The following FRMPD4 variants were observed in gnomAD, a reference collection of about 807,000 sequenced individuals.
FRMPD4 encodes FERM and PDZ domain containing 4.
Under a neutral mutation model 94.1 loss-of-function variants are expected in FRMPD4, and 22 were observed. The observed-to-expected ratio is 0.23, with a 90% CI of 0.17 to 0.33. The LOEUF is 0.33. Ranked by LOEUF, FRMPD4 falls within the 10% of genes least tolerant of loss-of-function variation. The pLI, the probability that FRMPD4 is intolerant of heterozygous loss-of-function variation, is 1.00. For missense variants in FRMPD4, 1,111 were observed against 1,339.9 expected (o/e 0.83, Z 2.67); for synonymous variants, 631 against 548.6 (o/e 1.15, Z -2.10).
At chrX:11,912,168 C>T (rs149700218) in intron 3 of FRMPD4, among the ~76,000 whole-genome samples, 1,188 of 112,189 alleles carry the variant, frequency 0.011, 7 homozygotes, top group Non-Finnish European at 0.017. Flanking sequence ...CTGTAAGCCA[C>T]TCCCAGCCTC....
chrX:12,352,778 A>G (rs2055834888), intron 1 of FRMPD4, among the ~76,000 whole-genome samples: 1 of 112,299 alleles, frequency 8.9e-6, no homozygotes, highest in African/African-American at 3.2e-5. Context: ...AAAAATATGA[A>G]TGCTGGAAAA....
intron 3 of FRMPD4, among the ~76,000 whole-genome samples, chrX:12,126,479 G>T (rs1383059348): frequency 9.0e-6 from 1 of 111,618 alleles, no homozygotes; most frequent in African/African-American, 3.3e-5. Flanking sequence ...ATACAGCTAA[G>T]GATGGATCTG....
At position 12,718,196 on chromosome X, in the gene FRMPD4, A is replaced by T. The variant is rs767460214; in HGVS notation, c.3370A>T (p.Arg1124Trp). 1 of 1,211,078 alleles carries T rather than the reference A, an allele frequency of 8.3e-7. No homozygotes were observed. Among genetic ancestry groups the T allele is most frequent in the Admixed American group, 2.2e-5 (1 of 46,083 alleles). ...TCCAAGAGCTTCTGGTCTTGGGGCAAGGGAGGCCGAAGGGAAGGAAGAAGG... is the reference window on the plus strand; with the variant it reads ...TCCAAGAGCTTCTGGTCTTGGGGCATGGGAGGCCGAAGGGAAGGAAGAAGG... ...TFPRASGLGA[R>W]EAEGKEEGAP... The change falls in exon 16 of 17, where the codon AGG (arginine) becomes TGG (tryptophan). Residue 1124 changes from arginine to tryptophan, a missense_variant. By Grantham distance (101) the Arg-to-Trp change is moderately radical. Around this residue, in one of 8 missense-constraint regions of FRMPD4, gnomAD observed 551 missense variants for 591.6 expected, o/e 0.93. Transcript: ENST00000675598.
At chrX:12,642,114 C>T (rs2059505738) in intron 4 of FRMPD4, among the ~76,000 whole-genome samples, 1 of 111,382 alleles carries the variant, frequency 9.0e-6, no homozygotes, top group Non-Finnish European at 1.9e-5. Context: ...TAGGCATCCG[C>T]TGTGTGTTAG....
At chrX:12,201,988 TTTC>T (rs1413968678) in intron 1 of FRMPD4, among the ~76,000 whole-genome samples, 2 of 101,217 alleles carry the variant, frequency 2.0e-5, no homozygotes, top group African/African-American at 3.5e-5. Context: ...CTGGGTGCTT[TTTC>T]TTCTTTTTTT....
intron 1 of FRMPD4, among the ~76,000 whole-genome samples, chrX:12,224,976 A>G (rs2056907052): frequency 1.8e-5 from 2 of 111,473 alleles, no homozygotes. Flanking sequence ...CTTTGAATAA[A>G]CCATTTTTCT....
At chrX:12,083,532 A>G (rs923602379) in intron 3 of FRMPD4, among the ~76,000 whole-genome samples, 1 of 112,607 alleles carries the variant, frequency 8.9e-6, no homozygotes, top group African/African-American at 3.2e-5. Context: ...CTACTGGGGT[A>G]CTGCCTAGTG....
chrX:12,290,867 GAA>G (rs67787806), intron 1 of FRMPD4, among the ~76,000 whole-genome samples: 23 of 105,634 alleles, frequency 2.2e-4, no homozygotes, highest in Middle Eastern at 4.8e-3. Flanking sequence ...GAGGTAATCG[GAA>G]AAAAAAAAAT....
chrX:12,584,995 A>G (rs1434295737), intron 2 of FRMPD4, among the ~76,000 whole-genome samples: 3 of 111,239 alleles, frequency 2.7e-5, no homozygotes, highest in Non-Finnish European at 5.7e-5. Flanking sequence ...ATCTCTGTTC[A>G]CTGCAACCTC....
rs747156659 is a variant in FRMPD4 at position 12,720,560 on chromosome X, C to G, written c.3991C>G (p.Arg1331Gly). ...TTTGACAGAGCCTGGGAAGGAGAGA[C>G]GAGGAGGCATGCCTTCAGCTTGGTC... The part of the protein sequence containing the change: ...TALTEPGKER[R>G]GGMPSAWSQH... Residue 1331 changes from arginine (R) to glycine (G), a missense_variant, in exon 17 of 17, where the codon CGA becomes GGA. Coordinates refer to ENST00000675598, the MANE Select transcript of FRMPD4 (RefSeq NM_001368397.1). 7.5e-6 allele frequency: 9 copies of G among 1,204,150 alleles called. No individual in the cohort carries two copies. The highest frequency in any genetic ancestry group is 7.9e-6 in the Non-Finnish European group (7 of 889,557).
At chrX:12,182,843 A>G (rs1218009205) in intron 1 of FRMPD4, among the ~76,000 whole-genome samples, 1 of 111,509 alleles carries the variant, frequency 9.0e-6, no homozygotes, top group Non-Finnish European at 1.9e-5. Flanking sequence ...ACTTTCGTGG[A>G]AATGAATTAA....
upstream of FRMPD4, among the ~76,000 whole-genome samples, chrX:12,136,812 G>A (rs949022995): frequency 2.8e-5 from 3 of 108,884 alleles, no homozygotes; most frequent in Non-Finnish European, 5.7e-5. Context: ...TTGCAGGAGC[G>A]CAACTTTAGC....
At chrX:12,325,695 G>A (rs1328929048) in intron 1 of FRMPD4, among the ~76,000 whole-genome samples, 1 of 112,309 alleles carries the variant, frequency 8.9e-6, no homozygotes, top group Non-Finnish European at 1.9e-5. Context: ...TAATCTATGT[G>A]CTAGAAATAT....
At chrX:12,683,790 A>G (rs1225566210) in intron 6 of FRMPD4, among the ~76,000 whole-genome samples, 1 of 112,362 alleles carries the variant, frequency 8.9e-6, no homozygotes, top group Non-Finnish European at 1.9e-5. Context: ...CGGTCAGAAT[A>G]TGTGGTAGTC....
intron 2 of FRMPD4, among the ~76,000 whole-genome samples, chrX:12,523,712 G>C (rs895997815): frequency 1.8e-5 from 2 of 111,598 alleles, no homozygotes; most frequent in Non-Finnish European, 3.8e-5. Context: ...AACAAAGTTA[G>C]TTATAGATCT....
At chrX:12,187,016 C>T (rs939958449) in intron 1 of FRMPD4, among the ~76,000 whole-genome samples, 1 of 112,313 alleles carries the variant, frequency 8.9e-6, no homozygotes, top group African/African-American at 3.2e-5. Context: ...GAAAATGTGA[C>T]ATAATTTTTT....
At chrX:11,868,249 G>T (rs1487407555) in intron 2 of FRMPD4, among the ~76,000 whole-genome samples, 1 of 111,513 alleles carries the variant, frequency 9.0e-6, no homozygotes, top group Non-Finnish European at 1.9e-5. Flanking sequence ...TCCAAAAGTG[G>T]TTCTTCCTCA....
intron 1 of FRMPD4, among the ~76,000 whole-genome samples, chrX:11,861,235 A>G (rs2053684952): frequency 8.9e-6 from 1 of 111,881 alleles, no homozygotes; most frequent in Admixed American, 9.5e-5. Flanking sequence ...CCTTATACTC[A>G]AATCTCTCAA....
intron 1 of FRMPD4, among the ~76,000 whole-genome samples, chrX:12,205,129 C>T (rs1440180307): frequency 6.6e-5 from 7 of 106,198 alleles, no homozygotes; most frequent in African/African-American, 1.4e-4. Context: ...ATGATGAAGG[C>T]GATGATAACC....
Sources: gnomAD v4.1 joint callset for allele counts (sites outside exome capture counted in the v4.1 genomes callset) on GRCh38, gnomAD v4.1.1 for gene constraint, gnomAD v4.1.1 regional missense constraint, MANE v1.5 for transcripts, NCBI Gene and HGNC (gene_info 2026-07-23, HGNC 2026-07-21) for gene names.